Variants in NRP2 observed in about 807,000 individuals in gnomAD.
The protein encoded by NRP2 is neuropilin 2.
NRP2 carries 52 observed loss-of-function variants against 110.4 expected under a neutral mutation model. That is an observed-to-expected ratio of 0.47 (90% CI 0.38 to 0.59). The LOEUF (loss-of-function observed/expected upper bound fraction) is 0.59, where lower values mean the gene tolerates loss of function less well. Among genes scored for constraint, NRP2 ranks in the 20% least tolerant of loss-of-function variants. The pLI, the probability that NRP2 is intolerant of heterozygous loss-of-function variation, is 0.00. For missense variants in NRP2, 1,049 were observed against 1,203.0 expected (o/e 0.87, Z 1.89); for synonymous variants, 508 against 468.9 (o/e 1.08, Z -1.08).
At chr2:205,784,795 A>G (rs925004202) in intron 15 of NRP2, among the ~76,000 whole-genome samples, 3 of 151,764 alleles carry the variant, frequency 2.0e-5, no homozygotes, top group Non-Finnish European at 4.4e-5. Flanking sequence ...GCATCCTTAC[A>G]CTTTCTCTTT....
chr2:205,755,615 A>C (rs1476022806), intron 12 of NRP2, among the ~76,000 whole-genome samples: 1 of 151,054 alleles, frequency 6.6e-6, no homozygotes, highest in Non-Finnish European at 1.5e-5. Context: ...ATAGGGAAAA[A>C]AAAAAAAGGA....
chr2:205,751,153 C>T lies in NRP2; in HGVS notation c.1903+1312C>T, dbSNP rs533444784. ...GTGGAATGCATAGGGAGTTAACATA[C>T]GATATTGGATTTACAGAGTTAGCTT... is the stretch of plus-strand genomic sequence containing the variant. On this transcript the variant is annotated intron_variant, in intron 11 of 16. Transcript: ENST00000357785. Among the ~76,000 whole-genome samples, 8 of 152,092 alleles carry T rather than the reference C, an allele frequency of 5.3e-5. No individual in the cohort carries two copies. The South Asian group carries it at 1.0e-3, about 20-fold the overall frequency.
intron 15 of NRP2, among the ~76,000 whole-genome samples, chr2:205,772,704 C>T (rs2058040683): frequency 6.6e-6 from 1 of 152,214 alleles, no homozygotes; most frequent in Admixed American, 6.5e-5. Flanking sequence ...GAATTCTCAC[C>T]TACACTTTCA....
intron 15 of NRP2, chr2:205,777,703 ATCATTTGCTTTCCTT>A (rs1406563436): frequency 6.6e-6 from 1 of 152,210 alleles, no homozygotes; most frequent in African/African-American, 2.4e-5. Context: ...GGGAAAAGGG[ATCATTTGCTTTCCTT>A]TCATGGTGTT....
chr2:205,784,703 G>T (rs977197451), intron 15 of NRP2, among the ~76,000 whole-genome samples: 3 of 152,166 alleles, frequency 2.0e-5, no homozygotes, highest in Admixed American at 2.0e-4. Flanking sequence ...ATCTGCCTTT[G>T]TGCCAGGTGC....
intron 2 of NRP2, among the ~76,000 whole-genome samples, chr2:205,699,012 T>G (rs1374235142): frequency 6.6e-6 from 1 of 152,250 alleles, no homozygotes; most frequent in Admixed American, 6.5e-5. Flanking sequence ...CCCCTAGGGC[T>G]AATTTGCACC....
chr2:205,722,701 T>C lies in NRP2; in HGVS notation c.657T>C (p.Ile219=), dbSNP rs776792603. The C allele has an allele frequency of 1.2e-6, 2 of 1,613,346 alleles. No homozygotes were observed. The highest frequency in any genetic ancestry group is 1.7e-6 in the Non-Finnish European group (2 of 1,179,280). The stretch of plus-strand genomic sequence containing the variant: ...ATTGGCTGGACATCTGGGATGGCAT[T>C]CCACATGGTGAGTGATGTCATGAGG... The part of the protein sequence containing the change: ...KYDWLDIWDG[I]PHVGPLIGKY... Residue 219 remains isoleucine, a synonymous_variant, in exon 4 of 17, where the codon ATT becomes ATC. Transcript: ENST00000357785.
At chr2:205,788,107 A>G (rs895187852) in intron 15 of NRP2, among the ~76,000 whole-genome samples, 1 of 152,124 alleles carries the variant, frequency 6.6e-6, no homozygotes, top group Non-Finnish European at 1.5e-5. Flanking sequence ...CTCTCATTCC[A>G]AAAAATCAGG....
At chr2:205,692,207 C>T (rs2056328604) in intron 1 of NRP2, among the ~76,000 whole-genome samples, 1 of 152,168 alleles carries the variant, frequency 6.6e-6, no homozygotes, top group Admixed American at 6.5e-5. Context: ...TTCAGGAGTG[C>T]ATCATTCACT....
intron 15 of NRP2, among the ~76,000 whole-genome samples, chr2:205,787,224 G>A (rs983082049): frequency 5.9e-5 from 9 of 152,032 alleles, no homozygotes; most frequent in Admixed American, 1.3e-4. Context: ...TAGGCATTCC[G>A]CCCCCAGCCT....
intron 9 of NRP2, among the ~76,000 whole-genome samples, chr2:205,745,139 A>G (rs2057514436): frequency 6.6e-6 from 1 of 152,056 alleles, no homozygotes; most frequent in South Asian, 2.1e-4. Flanking sequence ...AGTTTTATGT[A>G]CTGGGGCTCC....
intron 12 of NRP2, among the ~76,000 whole-genome samples, chr2:205,754,020 A>G (rs1184550554): frequency 6.6e-6 from 1 of 152,166 alleles, no homozygotes; most frequent in Non-Finnish European, 1.5e-5. Flanking sequence ...ATTTTTACTA[A>G]TGAATACATT....
chr2:205,769,505 T>TACACACACACAC (rs56837273), intron 15 of NRP2, among the ~76,000 whole-genome samples: 5,490 of 145,108 alleles, frequency 0.038, 142 homozygotes, highest in East Asian at 0.05. Flanking sequence ...TATACATACA[T>TACACACACACAC]ACACACACAC....
In NRP2 at chr2:205,697,312, C is replaced by CTG. The variant is rs3072627; in HGVS notation, c.74-200_74-199dup. Among the ~76,000 whole-genome samples the CTG allele has an allele frequency of 6.0e-3, 828 of 137,944 alleles. 14 individuals are homozygous for CTG. Among genetic ancestry groups the CTG allele is most frequent in the African/African-American group, 0.02 (709 of 34,730 alleles). The allele number at this position is 137,944 out of a possible 152,430, so 90.5% of individuals were successfully genotyped here. A position where few individuals can be genotyped will look rare whatever the true frequency, so the allele number is the denominator to read the frequency against. On this transcript the variant is annotated intron_variant, in intron 1 of 16. Coordinates refer to ENST00000357785, the MANE Select transcript of NRP2 (RefSeq NM_003872.3). The stretch of plus-strand genomic sequence containing the variant: ...TGGCCATGTTCTGGAATACTTTCAT[C>CTG]TGTGTGTGTGTGTGTGTGTGTGTGT...
chr2:205,797,518 T>A lies in NRP2; in HGVS notation c.*2460T>A, dbSNP rs1346420411. 1 of 152,288 alleles carries A rather than the reference T, an allele frequency of 6.6e-6. No homozygotes were observed. Among genetic ancestry groups the A allele is most frequent in the African/African-American group, 2.4e-5 (1 of 41,446 alleles). 9.4% of individuals were successfully genotyped at this position (152,288 alleles called of 1,614,324 possible). A position where few individuals can be genotyped will look rare whatever the true frequency, so the allele number is the denominator to read the frequency against. On this transcript the variant is annotated 3_prime_UTR_variant, in exon 17 of 17. Coordinates refer to ENST00000357785, the MANE Select transcript of NRP2 (RefSeq NM_003872.3). Reference sequence around the variant, plus strand: ...AAAAGTCCTATATCCATATTCACCATTGGCTAATTTGAGGCCCTGAGTGGG... The same window carrying A: ...AAAAGTCCTATATCCATATTCACCAATGGCTAATTTGAGGCCCTGAGTGGG...
At chr2:205,782,021 C>A (rs1229540280) in intron 15 of NRP2, among the ~76,000 whole-genome samples, 1 of 152,010 alleles carries the variant, frequency 6.6e-6, no homozygotes, top group Non-Finnish European at 1.5e-5. Flanking sequence ...TGGACCCAAA[C>A]CTAAACACTG....
chr2:205,742,382 T>C (rs1283446988), intron 8 of NRP2, among the ~76,000 whole-genome samples: 5 of 152,150 alleles, frequency 3.3e-5, no homozygotes, highest in African/African-American at 9.7e-5. Flanking sequence ...CTGAGCAAGA[T>C]AGATAATAAA....
At position 205,686,208 on chromosome 2, in the gene NRP2, C is replaced by A. The variant is rs2056157610; in HGVS notation, c.73+2845C>A. Reference sequence around the variant, plus strand: ...CGAAGTTGGCCGCCTCCAACTACTCCATGCTTGTGCCCTCCTCCTCCTCCT... The same window carrying A: ...CGAAGTTGGCCGCCTCCAACTACTCAATGCTTGTGCCCTCCTCCTCCTCCT... On this transcript the variant is annotated intron_variant, in intron 1 of 16. Transcript: ENST00000357785. The surrounding 1 kb of genome is among the most constrained non-coding windows in gnomAD (Gnocchi z 4.7). 6.6e-6 allele frequency among the ~76,000 whole-genome samples: 1 copy of A among 151,976 alleles called. No homozygotes were observed. The highest frequency in any genetic ancestry group is 2.4e-5 in the African/African-American group (1 of 41,328).
intron 15 of NRP2, chr2:205,778,821 A>G (rs574474598): frequency 1.4e-4 from 21 of 152,322 alleles, no homozygotes; most frequent in African/African-American, 4.8e-4. Flanking sequence ...AGTTGAGAAT[A>G]TGAGACTGCT....
Sources: gnomAD v4.1 joint callset for allele counts (sites outside exome capture counted in the v4.1 genomes callset) on GRCh38, gnomAD v4.1.1 for gene constraint, Gnocchi (gnomAD v3.1) non-coding constraint, MANE v1.5 for transcripts, NCBI Gene and HGNC (gene_info 2026-07-23, HGNC 2026-07-21) for gene names.